CCDC7: variants seen among roughly 807,000 people sequenced by gnomAD.
CCDC7 encodes the protein coiled-coil domain-containing protein 7.
A neutral mutation model predicts 196.9 loss-of-function variants in CCDC7; 183 were observed. The observed-to-expected ratio is 0.93, with a 90% confidence interval of 0.82 to 1.05. CCDC7 has a LOEUF of 1.05. Ranked by LOEUF, CCDC7 falls within the 50% of genes least tolerant of loss-of-function variation. The pLI, the probability that CCDC7 is intolerant of heterozygous loss-of-function variation, is 0.00. For missense variants in CCDC7, 1,540 were observed against 1,482.2 expected (o/e 1.04, Z -0.64); for synonymous variants, 525 against 484.6 (o/e 1.08, Z -1.10).
chr10:32,805,999 G>T (rs2085757140), intron 30 of CCDC7, among the ~76,000 whole-genome samples: 1 of 152,124 alleles, frequency 6.6e-6, no homozygotes, highest in Non-Finnish European at 1.5e-5. Flanking sequence ...GAAGGGGGAA[G>T]GTGCTACATA....
intron 11 of CCDC7, among the ~76,000 whole-genome samples, chr10:32,528,733 T>TAAATAC: frequency 7.0e-6 from 1 of 142,960 alleles, no homozygotes; most frequent in Non-Finnish European, 1.5e-5. Flanking sequence ...CGTATTTACG[T>TAAATAC]ATATATGTAT....
chr10:32,849,584 T>A (rs1179964945), intron 39 of CCDC7, among the ~76,000 whole-genome samples: 1 of 150,928 alleles, frequency 6.6e-6, no homozygotes, highest in Non-Finnish European at 1.5e-5. Context: ...GTGCCTGTAG[T>A]CCCAGCTACT....
At chr10:32,870,335 T>C (rs1446505549) in intron 41 of CCDC7, among the ~76,000 whole-genome samples, 1 of 152,182 alleles carries the variant, frequency 6.6e-6, no homozygotes, top group Admixed American at 6.6e-5. Context: ...GTTGGATTCC[T>C]AGGTATTTTA....
intron 28 of CCDC7, among the ~76,000 whole-genome samples, chr10:32,736,545 C>T (rs1427654116): frequency 6.6e-6 from 1 of 152,036 alleles, no homozygotes; most frequent in African/African-American, 2.4e-5. Flanking sequence ...CCCCGCTCCC[C>T]CCACCCCACA....
At chr10:32,671,039 A>G (rs975814047) in intron 21 of CCDC7, among the ~76,000 whole-genome samples, 1 of 152,196 alleles carries the variant, frequency 6.6e-6, no homozygotes, top group Non-Finnish European at 1.5e-5. Context: ...TTTATTAAAT[A>G]AAAAGTTACA....
chr10:32,782,292 A>G lies in CCDC7; in HGVS notation c.3013+3208A>G, dbSNP rs543679231. On this transcript the variant is annotated intron_variant, in intron 29 of 41. Transcript: ENST00000639629. Reference sequence around the variant, plus strand: ...GTCACCCAGGCTGTGCAGTGGCGCAATCTCAGCTCACTGCAACCTCCGCCT... The same window carrying G: ...GTCACCCAGGCTGTGCAGTGGCGCAGTCTCAGCTCACTGCAACCTCCGCCT... 2.0e-5 allele frequency among the ~76,000 whole-genome samples: 3 copies of G among 151,958 alleles called. No homozygotes were observed. The South Asian group carries it at 6.3e-4, about 32-fold the overall frequency.
At chr10:32,483,040 T>C (rs953111077) in intron 8 of CCDC7, among the ~76,000 whole-genome samples, 1 of 152,160 alleles carries the variant, frequency 6.6e-6, no homozygotes, top group Non-Finnish European at 1.5e-5. Flanking sequence ...GGTCAAATGG[T>C]ATTTCTAGTT....
intron 21 of CCDC7, among the ~76,000 whole-genome samples, chr10:32,679,448 A>C (rs994120869): frequency 6.6e-6 from 1 of 152,170 alleles, no homozygotes; most frequent in East Asian, 1.9e-4. Context: ...TGGCACATAT[A>C]AAGGAAACAA....
At chr10:32,580,077 T>C (rs1312746923) in intron 16 of CCDC7, among the ~76,000 whole-genome samples, 4 of 152,080 alleles carry the variant, frequency 2.6e-5, no homozygotes, top group African/African-American at 9.7e-5. Context: ...AAGGGAGATA[T>C]TAACCGAGGC....
intron 18 of CCDC7, among the ~76,000 whole-genome samples, chr10:32,617,187 T>A (rs942620332): frequency 6.6e-6 from 1 of 151,914 alleles, no homozygotes; most frequent in Non-Finnish European, 1.5e-5. Flanking sequence ...TCTTCTTTTC[T>A]TGATTAGTCT....
At chr10:32,854,481 C>T (rs1275660259) in exon 41 of CCDC7, 1 of 1,545,000 alleles carries the variant, frequency 6.5e-7, no homozygotes, top group African/African-American at 1.4e-5. Context: ...GGAAAACCTA[C>T]CTATAAAGGT....
intron 28 of CCDC7, among the ~76,000 whole-genome samples, chr10:32,766,096 TA>T (rs1475427852): frequency 6.6e-6 from 1 of 151,944 alleles, no homozygotes; most frequent in African/African-American, 2.4e-5. Context: ...CTAGATATAT[TA>T]GTAAGATATT....
chr10:32,741,560 A>G (rs2085850482), intron 28 of CCDC7, among the ~76,000 whole-genome samples: 1 of 152,178 alleles, frequency 6.6e-6, no homozygotes, highest in African/African-American at 2.4e-5. Context: ...GCATCCCACA[A>G]ATACTGTATT....
chr10:32,737,359 A>G (rs1407184500), intron 28 of CCDC7, among the ~76,000 whole-genome samples: 1 of 152,118 alleles, frequency 6.6e-6, no homozygotes, highest in African/African-American at 2.4e-5. Flanking sequence ...TTAGGGTAAT[A>G]TAGTTTAAAT....
At chr10:32,839,793 T>C (rs2092853308) in intron 33 of CCDC7, among the ~76,000 whole-genome samples, 1 of 152,046 alleles carries the variant, frequency 6.6e-6, no homozygotes, top group Non-Finnish European at 1.5e-5. Context: ...ATCGAAATTA[T>C]ATCAAGTACT....
intron 28 of CCDC7, among the ~76,000 whole-genome samples, chr10:32,746,051 G>A (rs1450140707): frequency 6.6e-6 from 1 of 152,160 alleles, no homozygotes; most frequent in Non-Finnish European, 1.5e-5. Flanking sequence ...CTTTTGAGGA[G>A]AAGACCCAAG....
chr10:32,447,793 T>G (rs2031784076), upstream of CCDC7, among the ~76,000 whole-genome samples: 1 of 152,036 alleles, frequency 6.6e-6, no homozygotes, highest in Non-Finnish European at 1.5e-5. Context: ...TCCCAGCTAC[T>G]TGGGAGGCTG....
intron 13 of CCDC7, among the ~76,000 whole-genome samples, chr10:32,564,866 C>T (rs1589956217): frequency 6.6e-6 from 1 of 152,078 alleles, no homozygotes; most frequent in East Asian, 1.9e-4. Flanking sequence ...AATCCCCATG[C>T]TTTGGAAGGC....
intron 29 of CCDC7, among the ~76,000 whole-genome samples, chr10:32,794,939 T>C (rs954393199): frequency 6.6e-6 from 1 of 152,142 alleles, no homozygotes; most frequent in African/African-American, 2.4e-5. Flanking sequence ...GTCCCTTCCT[T>C]AGGAGCTGTT....
Sources: gnomAD v4.1 joint callset for allele counts (sites outside exome capture counted in the v4.1 genomes callset) on GRCh38, gnomAD v4.1.1 for gene constraint, MANE v1.5 for transcripts, NCBI Gene and HGNC (gene_info 2026-07-23, HGNC 2026-07-21) for gene names.